The following GOLM2 variants were observed in gnomAD, a reference collection of about 807,000 sequenced individuals.
GOLM2 encodes golgi membrane protein 2, also known as protein GOLM2.
Under a neutral mutation model 55.9 loss-of-function variants are expected in GOLM2, and 26 were observed. That is an observed-to-expected ratio of 0.47 (90% CI 0.34 to 0.65). The LOEUF is 0.65. Among genes scored for constraint, GOLM2 ranks in the 30% least tolerant of loss-of-function variants. The pLI is 0.01. For missense variants in GOLM2, 486 were observed against 531.8 expected (o/e 0.91, Z 0.85); for synonymous variants, 165 against 194.6 (o/e 0.85, Z 1.27).
chr15:44,332,818 T>G lies in GOLM2; in HGVS notation c.576+740T>G, dbSNP rs201262441. ...CCACTACAACCAATTTGATTCATACTTTTTTTGGGGGGGGCAAATTCTTTT... is the reference window on the plus strand; with the variant it reads ...CCACTACAACCAATTTGATTCATACGTTTTTTGGGGGGGGCAAATTCTTTT... On this transcript the variant is annotated intron_variant, in intron 4 of 9. Coordinates refer to ENST00000299957, the MANE Select transcript of GOLM2 (RefSeq NM_138423.4). 4.2e-4 allele frequency among the ~76,000 whole-genome samples: 64 copies of G among 152,218 alleles called. 2 individuals are homozygous for G. The East Asian group carries it at 0.012, about 28-fold the overall frequency.
intron 1 of GOLM2, among the ~76,000 whole-genome samples, chr15:44,309,585 C>T (rs1595618612): frequency 1.3e-5 from 2 of 151,968 alleles, no homozygotes; most frequent in East Asian, 3.8e-4. Context: ...TGTTTTTAAG[C>T]CAGTCAAATT....
Position 44,380,773 on chromosome 15 carries a change from A to G in GOLM2, c.902-33A>G, listed in dbSNP as rs2079396061. ...CATCTTTAAAAGATTAAATTAAATT[A>G]TATTCTTTTAATTTGATGTTTTTAT... On this transcript the variant is annotated intron_variant, in intron 7 of 9. Transcript: ENST00000299957. The G allele has an allele frequency of 2.2e-6, 3 of 1,352,182 alleles. No individual in the cohort carries two copies. In the African/African-American group the frequency reaches 4.5e-5, roughly 20 times the overall value. 83.8% of individuals were successfully genotyped at this position (1,352,182 alleles called of 1,614,324 possible).
chr15:44,291,243 A>G (rs1181040205), intron 1 of GOLM2, among the ~76,000 whole-genome samples: 2 of 151,906 alleles, frequency 1.3e-5, no homozygotes, highest in Non-Finnish European at 2.9e-5. Context: ...GCCTCTGAGT[A>G]GCTGGGACTG....
At position 44,289,251 on chromosome 15, in the gene GOLM2, G is replaced by A. The variant is rs769768024; in HGVS notation, c.222G>A (p.Val74=). The change falls in exon 1 of 10, where the codon GTG becomes GTA. Residue 74 remains valine, a synonymous_variant. Coordinates refer to ENST00000299957, the MANE Select transcript of GOLM2 (RefSeq NM_138423.4). This position sits in a 1 kb window ranked among gnomAD's most constrained non-coding sequence, Gnocchi z 4.8. ...GCAATTCGGACCTCTTGCTGTTGGTGGACACGCACAAGAAACAGATCGACC... is the reference window on the plus strand; with the variant it reads ...GCAATTCGGACCTCTTGCTGTTGGTAGACACGCACAAGAAACAGATCGACC... ...EKRNSDLLLL[V]DTHKKQIDQK... 4 of 1,614,122 alleles carry A rather than the reference G, an allele frequency of 2.5e-6. No homozygotes were observed. Among genetic ancestry groups the A allele is most frequent in the Non-Finnish European group, 3.4e-6 (4 of 1,180,014 alleles).
At chr15:44,299,825 G>A (rs2078784149) in intron 1 of GOLM2, among the ~76,000 whole-genome samples, 1 of 150,946 alleles carries the variant, frequency 6.6e-6, no homozygotes, top group African/African-American at 2.4e-5. Context: ...GAAATTTGGG[G>A]CTAGGTGTAG....
chr15:44,340,914 A>G (rs1472026072), intron 6 of GOLM2, among the ~76,000 whole-genome samples: 1 of 152,122 alleles, frequency 6.6e-6, no homozygotes, highest in African/African-American at 2.4e-5. Flanking sequence ...TTTGTCAAGG[A>G]CATACTGCTG....
In GOLM2 at chr15:44,380,665, T is replaced by TAA. The variant is rs75582759; in HGVS notation, c.902-126_902-125dup. On this transcript the variant is annotated intron_variant, in intron 7 of 9. Transcript: ENST00000299957. ...GATTAAAGAAATGAGAATAAACCTT[T>TAA]AAAAAAAAAAAAAAAAGCTTTGTGG... is the stretch of plus-strand genomic sequence containing the variant. 3.8e-3 allele frequency: 1,399 copies of TAA among 369,400 alleles called. 15 individuals are homozygous for TAA. Among genetic ancestry groups the TAA allele is most frequent in the African/African-American group, 0.025 (991 of 39,348 alleles). 22.9% of individuals were successfully genotyped at this position (369,400 alleles called of 1,614,324 possible).
At chr15:44,395,516 C>T (rs1450940875) in intron 8 of GOLM2, among the ~76,000 whole-genome samples, 2 of 148,880 alleles carry the variant, frequency 1.3e-5, no homozygotes, top group African/African-American at 5.0e-5. Flanking sequence ...TTTTTTTGAA[C>T]GTGTTTCTAT....
chr15:44,388,273 CAAA>C (rs35283840), intron 8 of GOLM2, among the ~76,000 whole-genome samples: 3 of 68,592 alleles, frequency 4.4e-5, no homozygotes. Context: ...GACCCTGTCT[CAAA>C]AAAAAAAAAA....
intron 6 of GOLM2, among the ~76,000 whole-genome samples, chr15:44,340,924 G>A (rs2079086521): frequency 6.6e-6 from 1 of 151,988 alleles, no homozygotes; most frequent in Non-Finnish European, 1.5e-5. Flanking sequence ...ACATACTGCT[G>A]GTTTCTGATA....
At chr15:44,303,813 G>A (rs1411087914) in intron 1 of GOLM2, among the ~76,000 whole-genome samples, 2 of 146,006 alleles carry the variant, frequency 1.4e-5, no homozygotes, top group Admixed American at 1.4e-4. Flanking sequence ...TCAGCTCAAC[G>A]CAACTTCCAC....
At chr15:44,319,184 A>G (rs1170186281) in intron 1 of GOLM2, among the ~76,000 whole-genome samples, 1 of 152,074 alleles carries the variant, frequency 6.6e-6, no homozygotes, top group Non-Finnish European at 1.5e-5. Flanking sequence ...CCTTGAGTAC[A>G]TAGTGTTTGT....
chr15:44,289,557 A>G lies in GOLM2; in HGVS notation c.327+201A>G, dbSNP rs912885606. Among the ~76,000 whole-genome samples, 2 of 152,146 alleles carry G rather than the reference A, an allele frequency of 1.3e-5. No individual in the cohort carries two copies. Among genetic ancestry groups the G allele is most frequent in the Admixed American group, 6.5e-5 (1 of 15,272 alleles). On this transcript the variant is annotated intron_variant, in intron 1 of 9. Coordinates refer to ENST00000299957, the MANE Select transcript of GOLM2 (RefSeq NM_138423.4). This position sits in a 1 kb window ranked among gnomAD's most constrained non-coding sequence, Gnocchi z 4.8. ...GTTCTCTGGTCCCTGCCAGAAAAAA[A>G]TGACTGTAAATTCTGGTTCTCAAGA...
chr15:44,413,203 A>G lies in GOLM2; in HGVS notation c.1241-133A>G, dbSNP rs896502781. Reference sequence around the variant, plus strand: ...CTCTTTAGCCAAGCAACTAAGAAATAGAACACTATTTGTACTAGGTGTAAA... The same window carrying G: ...CTCTTTAGCCAAGCAACTAAGAAATGGAACACTATTTGTACTAGGTGTAAA... On this transcript the variant is annotated intron_variant, in intron 9 of 9. Coordinates refer to ENST00000299957, the MANE Select transcript of GOLM2 (RefSeq NM_138423.4). 6.4e-5 allele frequency: 37 copies of G among 576,660 alleles called. No individual in the cohort carries two copies. The African/African-American group carries it at 7.1e-4, about 11-fold the overall frequency. The allele number at this position is 576,660 out of a possible 1,614,324, so 35.7% of individuals were successfully genotyped here.
At chr15:44,304,769 G>A (rs1337944178) in intron 1 of GOLM2, among the ~76,000 whole-genome samples, 2 of 152,066 alleles carry the variant, frequency 1.3e-5, no homozygotes, top group Non-Finnish European at 2.9e-5. Context: ...TGCCCAGGCT[G>A]GTTTCAAACT....
At chr15:44,312,695 C>T (rs2078882302) in intron 1 of GOLM2, among the ~76,000 whole-genome samples, 1 of 152,128 alleles carries the variant, frequency 6.6e-6, no homozygotes, top group Non-Finnish European at 1.5e-5. Context: ...CCTATAATCC[C>T]AGCACTTTGG....
At chr15:44,326,627 CTTTTTA>C (rs1227804451) in intron 2 of GOLM2, among the ~76,000 whole-genome samples, 1 of 147,150 alleles carries the variant, frequency 6.8e-6, no homozygotes, top group Non-Finnish European at 1.5e-5. Context: ...AAAACATCTG[CTTTTTA>C]TTTTTATTTT....
intron 9 of GOLM2, among the ~76,000 whole-genome samples, chr15:44,404,091 T>A (rs77739230): frequency 0.03 from 4,590 of 152,252 alleles, 246 homozygotes; most frequent in African/African-American, 0.1. Flanking sequence ...CTGCTTATAT[T>A]GTTTAGTAGT....
intron 1 of GOLM2, among the ~76,000 whole-genome samples, chr15:44,300,622 G>T (rs765824747): frequency 2.6e-5 from 4 of 152,184 alleles, no homozygotes; most frequent in African/African-American, 9.7e-5. Flanking sequence ...TTATAGTGTG[G>T]CATGTAACAT....
Sources: allele counts gnomAD v4.1 joint callset (sites outside exome capture counted in the v4.1 genomes callset), GRCh38; gene constraint gnomAD v4.1.1; non-coding constraint Gnocchi (gnomAD v3.1); transcripts MANE v1.5; gene names NCBI Gene and HGNC (gene_info 2026-07-23, HGNC 2026-07-21).